GRM7: variants seen among roughly 807,000 people sequenced by gnomAD.
GRM7 encodes the protein metabotropic glutamate receptor 7.
Under a neutral mutation model 84.5 loss-of-function variants are expected in GRM7, and 35 were observed. The ratio of observed to expected loss-of-function variants is 0.41; its 90% CI spans 0.32 to 0.55. The LOEUF (loss-of-function observed/expected upper bound fraction) is 0.55, where lower values mean the gene tolerates loss of function less well. GRM7 is among the 20% of genes least tolerant of loss of function. The probability of loss-of-function intolerance (pLI) is 0.19; values close to 1 mark genes in which losing one functional copy is unlikely to be tolerated. For synonymous variants in GRM7, 487 were observed against 455.1 expected, an observed-to-expected ratio of 1.07 and a Z score of -0.89; for missense variants, 1,003 against 1,194.6, an observed-to-expected ratio of 0.84 and a Z score of 2.36.
At chr3:6,996,308 A>C (rs754788511) in intron 1 of GRM7, among the ~76,000 whole-genome samples, 2 of 152,192 alleles carry the variant, frequency 1.3e-5, no homozygotes, top group Admixed American at 1.3e-4. Flanking sequence ...TCGGTCTCCC[A>C]AAGTGCTGGG....
In GRM7 at chr3:7,324,555, C is replaced by T. The variant is rs372205616; in HGVS notation, c.1033+17903C>T. Among the ~76,000 whole-genome samples, 76 of 152,206 alleles carry T rather than the reference C, an allele frequency of 5.0e-4. 4 individuals are homozygous for T. The South Asian group carries it at 0.012, about 24-fold the overall frequency. ...CCCATATGCCAGAGTAAAAGGTGTA[C>T]CTACGGGTCCCCTCAAGTGACCTAG... On this transcript the variant is annotated intron_variant, in intron 4 of 9. Coordinates refer to ENST00000357716, the MANE Select transcript of GRM7 (RefSeq NM_000844.4).
chr3:7,189,445 T>G (rs1294374371), intron 2 of GRM7, among the ~76,000 whole-genome samples: 1 of 152,200 alleles, frequency 6.6e-6, no homozygotes, highest in African/African-American at 2.4e-5. Context: ...ATAATGAAGA[T>G]TAATGCTGTA....
intron 2 of GRM7, among the ~76,000 whole-genome samples, chr3:7,216,051 A>T (rs952492430): frequency 2.6e-5 from 4 of 152,162 alleles, no homozygotes; most frequent in Admixed American, 1.3e-4. Flanking sequence ...AAAAGTTTCA[A>T]TTTTTCTAAT....
At chr3:7,372,712 A>G (rs756549703) in intron 4 of GRM7, among the ~76,000 whole-genome samples, 2 of 152,198 alleles carry the variant, frequency 1.3e-5, no homozygotes, top group Non-Finnish European at 2.9e-5. Context: ...TTTGTCAAGG[A>G]CAATGAACAA....
chr3:7,359,369 T>G (rs1220115213), intron 4 of GRM7, among the ~76,000 whole-genome samples: 1 of 137,806 alleles, frequency 7.3e-6, no homozygotes, highest in Non-Finnish European at 1.5e-5. Context: ...AGTCTTGCTC[T>G]GTTGCCCATG....
At chr3:7,545,426 A>G (rs574171347) in intron 7 of GRM7, among the ~76,000 whole-genome samples, 25 of 152,320 alleles carry the variant, frequency 1.6e-4, no homozygotes, top group African/African-American at 4.6e-4. Context: ...CGAAGGAGAC[A>G]TGATACCTTT....
intron 7 of GRM7, among the ~76,000 whole-genome samples, chr3:7,534,739 A>G (rs192791376): frequency 2.4e-3 from 359 of 152,312 alleles, no homozygotes; most frequent in Non-Finnish European, 4.4e-3. Context: ...TTTACAGAGT[A>G]TATATCTAGT....
chr3:7,257,037 A>G (rs1258719651), intron 2 of GRM7, among the ~76,000 whole-genome samples: 3 of 152,184 alleles, frequency 2.0e-5, no homozygotes, highest in Non-Finnish European at 2.9e-5. Flanking sequence ...GGGGTTATAT[A>G]TGGGATTTTC....
intron 1 of GRM7, among the ~76,000 whole-genome samples, chr3:6,915,419 G>A (rs192026679): frequency 3.9e-5 from 6 of 152,034 alleles, no homozygotes; most frequent in African/African-American, 1.4e-4. Context: ...GAGTTTTTAC[G>A]GTCACTTGGA....
intron 1 of GRM7, among the ~76,000 whole-genome samples, chr3:6,924,294 C>T (rs960565170): frequency 6.6e-6 from 1 of 152,086 alleles, no homozygotes; most frequent in African/African-American, 2.4e-5. Context: ...AAGAGATAGA[C>T]AAATATCTCC....
intron 9 of GRM7, among the ~76,000 whole-genome samples, chr3:7,701,873 C>T (rs1042866754): frequency 2.6e-5 from 4 of 152,124 alleles, no homozygotes; most frequent in Admixed American, 6.5e-5. Context: ...CAGTGGGAAC[C>T]GTTGTTTCCT....
intron 1 of GRM7, among the ~76,000 whole-genome samples, chr3:7,141,512 T>G (rs1222677304): frequency 6.6e-6 from 1 of 152,088 alleles, no homozygotes; most frequent in African/African-American, 2.4e-5. Flanking sequence ...TACCCAAATT[T>G]ATTTATAGCT....
chr3:6,911,793 A>G (rs969301012), intron 1 of GRM7, among the ~76,000 whole-genome samples: 1 of 152,178 alleles, frequency 6.6e-6, no homozygotes, highest in Non-Finnish European at 1.5e-5. Context: ...GCGAAGAGTA[A>G]ATCTTCCAAA....
intron 1 of GRM7, among the ~76,000 whole-genome samples, chr3:7,060,298 C>T (rs556732935): frequency 9.2e-5 from 14 of 151,928 alleles, no homozygotes; most frequent in South Asian, 2.1e-4. Flanking sequence ...CTATTGGAAA[C>T]GGCTTTCTAA....
At chr3:7,454,090 A>ACACTCTCTCTCTCTCTCTCTCTCT (rs1365192243) in intron 6 of GRM7, among the ~76,000 whole-genome samples, 13 of 140,122 alleles carry the variant, frequency 9.3e-5, no homozygotes, top group Middle Eastern at 3.5e-3. Context: ...CTACACACAC[A>ACACTCTCTCTCTCTCTCTCTCTCT]CTCTCTCTCT....
intron 2 of GRM7, among the ~76,000 whole-genome samples, chr3:7,229,750 TATATATATA>T (rs1559514666): frequency 0.014 from 515 of 36,262 alleles, 14 homozygotes; most frequent in African/African-American, 0.042. Flanking sequence ...TATATATATA[TATATATATA>T]TTTTTTTTTT....
At chr3:7,055,998 C>T (rs1422772224) in intron 1 of GRM7, among the ~76,000 whole-genome samples, 1 of 151,916 alleles carries the variant, frequency 6.6e-6, no homozygotes, top group African/African-American at 2.4e-5. Flanking sequence ...ACTCAGTAGC[C>T]AGTTAAATGC....
At chr3:7,213,277 TCCTTCTCTTCAAGATTGATGATAATCATG>T (rs1696490389) in intron 2 of GRM7, among the ~76,000 whole-genome samples, 5 of 152,230 alleles carry the variant, frequency 3.3e-5, no homozygotes, top group Admixed American at 3.3e-4. Flanking sequence ...ATTATCCAAA[TCCTTCTCTTCAAGATTGATGATAATCATG>T]CCTTTCTTTC....
intron 2 of GRM7, among the ~76,000 whole-genome samples, chr3:7,247,101 A>T (rs1442590862): frequency 6.6e-6 from 1 of 152,186 alleles, no homozygotes; most frequent in Non-Finnish European, 1.5e-5. Flanking sequence ...TGGTGTATCT[A>T]CATATTTAAA....
Sources: allele counts gnomAD v4.1 joint callset (sites outside exome capture counted in the v4.1 genomes callset), GRCh38; gene constraint gnomAD v4.1.1; transcripts MANE v1.5; gene names NCBI Gene and HGNC (gene_info 2026-07-23, HGNC 2026-07-21).